SLC6A12: variants seen among roughly 807,000 people sequenced by gnomAD.
SLC6A12 encodes the protein sodium- and chloride-dependent betaine transporter.
Under a neutral mutation model 73.3 loss-of-function variants are expected in SLC6A12, and 50 were observed. The observed-to-expected ratio is 0.68, with a 90% CI of 0.54 to 0.86. The LOEUF (loss-of-function observed/expected upper bound fraction) is 0.86, where lower values mean the gene tolerates loss of function less well. Ranked by LOEUF, SLC6A12 falls within the 40% of genes least tolerant of loss-of-function variation. The pLI is 0.00. For synonymous variants in SLC6A12, 304 were observed against 309.2 expected, an observed-to-expected ratio of 0.98 and a Z score of 0.18; for missense variants, 648 against 772.8, an observed-to-expected ratio of 0.84 and a Z score of 1.92.
chr12:189,165 G>C (rs1939499162), downstream of SLC6A12, among the ~76,000 whole-genome samples: 1 of 152,190 alleles, frequency 6.6e-6, no homozygotes. Flanking sequence ...GAAGGCGGCG[G>C]GAAGTACTGG....
chr12:185,288 T>C (rs77123323), downstream of SLC6A12, among the ~76,000 whole-genome samples: 1,711 of 152,318 alleles, frequency 0.011, 41 homozygotes, highest in African/African-American at 0.038. Context: ...GAACCTCCTC[T>C]CCATGACAAA....
intron 2 of SLC6A12, 106 bp from the exon 3 acceptor site, chr12:210,149 C>T: frequency 1.5e-6 from 2 of 1,351,834 alleles, no homozygotes; most frequent in Non-Finnish European, 2.0e-6. Context: ...TTCCCAAGTG[C>T]TCCATGGCAT....
rs145270320 is a variant in SLC6A12 at position 213,083 on chromosome 12, A to T, written c.-143+839T>A. On this transcript the variant is annotated intron_variant, in intron 1 of 15. Coordinates refer to ENST00000684302, the MANE Select transcript of SLC6A12 (RefSeq NM_001122848.3). This position sits in a 1 kb window ranked among gnomAD's most constrained non-coding sequence, Gnocchi z 5.3. The stretch of plus-strand genomic sequence containing the variant: ...CCAGCTGGGGCTAGCAGAGGTGCAG[A>T]CGAGACCAGAAATGCTGCTGCCCAT... Among the ~76,000 whole-genome samples, 305 of 152,256 alleles carry T rather than the reference A, an allele frequency of 2.0e-3. 1 individual carries two copies. The highest frequency in any genetic ancestry group is 7.1e-3 in the African/African-American group (294 of 41,544).
intron 6 of SLC6A12, 120 bp from the exon 7 acceptor site, chr12:200,903 C>G (rs1050003365): frequency 1.0e-6 from 1 of 964,144 alleles, no homozygotes; most frequent in Non-Finnish European, 1.5e-6. Context: ...AGGGCTTCCC[C>G]CACTCCCCAC....
intron 10 of SLC6A12, 60 bp from the exon 11 acceptor site, chr12:196,942 G>A: frequency 1.7e-6 from 2 of 1,187,112 alleles, no homozygotes; most frequent in East Asian, 2.3e-5. Context: ...TTGGGGAAGA[G>A]GCGTCTCTCT....
chr12:198,974 G>T lies in SLC6A12; in HGVS notation c.712-43C>A. 2 of 1,606,418 alleles carry T rather than the reference G, an allele frequency of 1.2e-6. No individual in the cohort carries two copies. The highest frequency in any genetic ancestry group is 1.7e-6 in the Non-Finnish European group (2 of 1,174,306). On this transcript the variant is annotated intron_variant, in intron 7 of 15. Transcript: ENST00000684302. This position sits in a 1 kb window ranked among gnomAD's most constrained non-coding sequence, Gnocchi z 4.0. ...GGCCAAGGTCACTCCTGGTGGGGAC[G>T]CAGTGGCCCTCCAGCCACGCCCCAC...
In SLC6A12 at chr12:204,532, C is replaced by G. The variant is rs778104287; in HGVS notation, c.349+32G>C. The G allele has an allele frequency of 4.3e-6, 7 of 1,610,958 alleles. No homozygotes were observed. In the South Asian group the frequency reaches 7.7e-5, roughly 18 times the overall value. On this transcript the variant is annotated intron_variant, in intron 4 of 15. Transcript: ENST00000684302. ...GGGGGATGCAGGCAAGATGGCGGCC[C>G]CATGAAGGGGAAGGTGGGGGAGGAT...
At chr12:201,599 C>T (rs999816057) in intron 6 of SLC6A12, 163 bp downstream of exon 6, 8 of 623,980 alleles carry the variant, frequency 1.3e-5, no homozygotes, top group African/African-American at 3.7e-5. Flanking sequence ...GATGTGAGAG[C>T]GTTCTCCCCT....
chr12:197,404 C>T lies in SLC6A12; in HGVS notation c.1048G>A (p.Val350Met), dbSNP rs757283619. 3.1e-6 allele frequency: 5 copies of T among 1,613,764 alleles called. No individual in the cohort carries two copies. Among genetic ancestry groups the T allele is most frequent in the Non-Finnish European group, 4.2e-6 (5 of 1,179,836 alleles). The change falls in exon 10 of 16, where the codon GTG (valine) becomes ATG (methionine). Residue 350 changes from valine to methionine, a missense_variant. Transcript: ENST00000684302. ...GACTCGGCCACTTCAGAAATGGGCA[C>T]CCCTTGCTCTTGGGACATGAAGCCC... Reference protein sequence around the residue: ...ILGFMSQEQGVPISEVAESGP... With the variant: ...ILGFMSQEQGMPISEVAESGP...
intron 4 of SLC6A12, among the ~76,000 whole-genome samples, 179 bp from the exon 5 acceptor site, chr12:203,059 C>CTTTTTTTTTTTTTTTTTTTTTTTTTT (rs10582500): frequency 7.3e-5 from 5 of 68,332 alleles, no homozygotes; most frequent in East Asian, 4.5e-4. Context: ...TTTTTCTTTT[C>CTTTTTTTTTTTTTTTTTTTTTTTTTT]TTTTTTTTTT....
intron 14 of SLC6A12, 115 bp from the exon 15 acceptor site, chr12:192,763 G>C (rs548400421): frequency 2.4e-5 from 23 of 958,726 alleles, no homozygotes; most frequent in Non-Finnish European, 9.7e-6. Flanking sequence ...ACGTCTGTAA[G>C]GTGGAAGAGT....
At chr12:187,607 AAAAAAAAAAAAAAAAAAAAAAAAAC>A (rs1279218260), downstream of SLC6A12, among the ~76,000 whole-genome samples, 924 of 15,818 alleles carry the variant, frequency 0.058, 35 homozygotes, top group Non-Finnish European at 0.1. Context: ...AAAAAAAAAA[AAAAAAAAAAAAAAAAAAAAAAAAAC>A]AAACCACACA....
chr12:202,689 C>G lies in SLC6A12; in HGVS notation c.490+51G>C, dbSNP rs59519481. ...GTCGTTGCTTGGATTCACCAGCCAC[C>G]GCAGCCCAGCCCCTAACAGGCAACA... On this transcript the variant is annotated intron_variant, in intron 5 of 15. Coordinates refer to ENST00000684302, the MANE Select transcript of SLC6A12 (RefSeq NM_001122848.3). The G allele has an allele frequency of 6.8e-5, 107 of 1,580,166 alleles. No individual in the cohort carries two copies. In the African/African-American group the frequency reaches 1.3e-3, roughly 19 times the overall value.
At chr12:193,588 C>T (rs982750331) in intron 13 of SLC6A12, among the ~76,000 whole-genome samples, 11 of 152,264 alleles carry the variant, frequency 7.2e-5, no homozygotes, top group African/African-American at 2.7e-4. Flanking sequence ...TGCCCCCACA[C>T]ACTGCTGCTG....
At chr12:208,366 A>T (rs562632827) in intron 3 of SLC6A12, among the ~76,000 whole-genome samples, 2 of 152,332 alleles carry the variant, frequency 1.3e-5, no homozygotes, top group African/African-American at 4.8e-5. Context: ...TGTGATCGCA[A>T]CTATAAGGTT....
At chr12:199,497 C>T (rs377237112) in intron 7 of SLC6A12, among the ~76,000 whole-genome samples, 5 of 152,204 alleles carry the variant, frequency 3.3e-5, no homozygotes, top group South Asian at 2.1e-4. Flanking sequence ...GGAGCAGCGG[C>T]GGCCGGAGCT....
chr12:203,012 T>C (rs1010501767), intron 4 of SLC6A12, 132 bp from the exon 5 acceptor site: 17 of 568,104 alleles, frequency 3.0e-5, no homozygotes, highest in Non-Finnish European at 3.0e-6. Context: ...GTTTATCCAG[T>C]GGCATGAGAA....
At position 192,910 on chromosome 12, in the gene SLC6A12, G is replaced by C. The variant is rs535008444; in HGVS notation, c.1531-262C>G. The C allele has an allele frequency of 1.5e-3, 667 of 442,104 alleles. 21 individuals carry two copies. The South Asian group carries it at 0.02, about 13-fold the overall frequency. The allele number at this position is 442,104 out of a possible 1,614,324, so 27.4% of individuals were successfully genotyped here. On this transcript the variant is annotated intron_variant, in intron 14 of 15. Transcript: ENST00000684302. ...AGACAGGAGGCGATACAAAGGAAGG[G>C]AGGGGCTCGGAAGAGCATCATTCAC...
At chr12:212,232 C>T (rs1441458046) in intron 1 of SLC6A12, 122 bp from the exon 2 acceptor site, 1 of 152,248 alleles carries the variant, frequency 6.6e-6, no homozygotes, top group Non-Finnish European at 1.5e-5. Flanking sequence ...TTGCTAATCC[C>T]AGGGCGAGCC....
Sources: allele counts gnomAD v4.1 joint callset (sites outside exome capture counted in the v4.1 genomes callset), GRCh38; gene constraint gnomAD v4.1.1; non-coding constraint Gnocchi (gnomAD v3.1); transcripts MANE v1.5; gene names NCBI Gene and HGNC (gene_info 2026-07-23, HGNC 2026-07-21).